The following EFCAB3 variants were observed in gnomAD, a reference collection of about 807,000 sequenced individuals.
EFCAB3 encodes the protein EF-hand calcium-binding domain-containing protein 3.
In EFCAB3, 36 loss-of-function variants were observed where a neutral mutation model predicts 42.2. That is an observed-to-expected ratio of 0.85 (90% CI 0.65 to 1.13). The LOEUF is 1.13. Ranked by LOEUF, EFCAB3 falls within the 50% of genes most tolerant of loss-of-function variation. The pLI is 0.00. For missense variants in EFCAB3, 418 were observed against 505.1 expected (o/e 0.83, Z 1.65); for synonymous variants, 170 against 172.8 (o/e 0.98, Z 0.13).
upstream of EFCAB3, chr17:62,377,946 G>T (rs1408637333): frequency 6.5e-7 from 1 of 1,536,532 alleles, no homozygotes; most frequent in Non-Finnish European, 8.8e-7. Context: ...ATGTAATTTT[G>T]ATTCTTAATC....
At position 62,406,533 on chromosome 17, in the gene EFCAB3, A is replaced by G. The variant is rs116802881; in HGVS notation, c.542A>G (p.Tyr181Cys). 7.1e-5 allele frequency: 114 copies of G among 1,613,978 alleles called. No individual in the cohort carries two copies. In the African/African-American group the frequency reaches 1.4e-3, roughly 20 times the overall value. Residue 181 changes from tyrosine to cysteine, a missense_variant, in exon 7 of 10, where the codon TAC (tyrosine) becomes TGC (cysteine). Tyr to Cys is a radical substitution (Grantham distance 194). Coordinates refer to ENST00000305286, the MANE Select transcript of EFCAB3 (RefSeq NM_173503.4). ...GGCCCAGGAATGTTGTGGAGTCCCT[A>G]CACTATGGGCTATGGAAAAAGGACA... ...HTGPGMLWSP[Y>C]TMGYGKRTLK... is the part of the protein sequence containing the mutation.
intron 2 of EFCAB3, among the ~76,000 whole-genome samples, chr17:62,387,004 C>T (rs1178015621): frequency 6.6e-6 from 1 of 152,068 alleles, no homozygotes; most frequent in African/African-American, 2.4e-5. Flanking sequence ...GTTGCCCAAG[C>T]TGGTCTTGAA....
At position 62,416,412 on chromosome 17, in the gene EFCAB3, A is replaced by G. The variant is rs2144123628; in HGVS notation, c.*83A>G. The G allele has an allele frequency of 8.4e-7, 1 of 1,183,620 alleles. No homozygotes were observed. Among genetic ancestry groups the G allele is most frequent in the East Asian group, 2.4e-5 (1 of 41,310 alleles). The allele number at this position is 1,183,620 out of a possible 1,614,324, so 73.3% of individuals were successfully genotyped here. On this transcript the variant is annotated 3_prime_UTR_variant, in exon 10 of 10. Coordinates refer to ENST00000305286, the MANE Select transcript of EFCAB3 (RefSeq NM_173503.4). ...TATTGTTTCTTGCTTTTGTCTAAGTACATTCTTAGAAGCTGGAAATTTTGA... is the reference window on the plus strand; with the variant it reads ...TATTGTTTCTTGCTTTTGTCTAAGTGCATTCTTAGAAGCTGGAAATTTTGA...
intron 6 of EFCAB3, among the ~76,000 whole-genome samples, chr17:62,400,987 G>C: frequency 6.6e-6 from 1 of 152,252 alleles, no homozygotes; most frequent in South Asian, 2.1e-4. Context: ...ATTCTAACTG[G>C]TGTGAGATGG....
chr17:62,395,825 A>G (rs2070343995), intron 6 of EFCAB3, among the ~76,000 whole-genome samples: 3 of 152,274 alleles, frequency 2.0e-5, no homozygotes, highest in Admixed American at 6.5e-5. Flanking sequence ...AAATGTTGCT[A>G]TTATCAGTCT....
chr17:62,373,388 G>A (rs2070127837), intron 1 of EFCAB3, among the ~76,000 whole-genome samples: 1 of 152,020 alleles, frequency 6.6e-6, no homozygotes, highest in East Asian at 1.9e-4. Flanking sequence ...CAAGGCGTGA[G>A]GATCACTTGA....
chr17:62,392,873 G>A (rs2070316547), intron 4 of EFCAB3, among the ~76,000 whole-genome samples: 1 of 152,068 alleles, frequency 6.6e-6, no homozygotes, highest in South Asian at 2.1e-4. Flanking sequence ...TCCTGACTTC[G>A]TGATCCGCCC....
At chr17:62,396,911 A>G (rs533986588) in intron 6 of EFCAB3, among the ~76,000 whole-genome samples, 2 of 152,258 alleles carry the variant, frequency 1.3e-5, no homozygotes, top group South Asian at 4.1e-4. Flanking sequence ...ATTTTTTTAA[A>G]AAGAATATAC....
chr17:62,400,020 C>A (rs1341994154), intron 6 of EFCAB3, among the ~76,000 whole-genome samples: 1 of 151,998 alleles, frequency 6.6e-6, no homozygotes, highest in East Asian at 1.9e-4. Context: ...ATCCCCAAAT[C>A]AAACCTGTGA....
At chr17:62,392,993 T>C (rs917472554) in intron 4 of EFCAB3, among the ~76,000 whole-genome samples, 4 of 152,188 alleles carry the variant, frequency 2.6e-5, no homozygotes, top group African/African-American at 9.7e-5. Flanking sequence ...CAAACTGATA[T>C]GCTGTGTGAA....
chr17:62,379,185 G>A (rs1215841287), upstream of EFCAB3, among the ~76,000 whole-genome samples: 1 of 152,052 alleles, frequency 6.6e-6, no homozygotes, highest in Non-Finnish European at 1.5e-5. Flanking sequence ...CACTTTGGGA[G>A]GCCAAGGAGA....
In EFCAB3 at chr17:62,393,617, G is replaced by C. The variant is rs2070323175; in HGVS notation, c.340G>C (p.Asp114His). The change falls in exon 5 of 10, where the codon GAT (aspartate) becomes CAT (histidine). Residue 114 changes from aspartate (D) to histidine (H), a missense_variant. Physicochemically the swap from Asp to His is moderately conservative, Grantham distance 81 (BLOSUM62 -1). Transcript: ENST00000305286. The stretch of plus-strand genomic sequence containing the variant: ...CTCAGACTTTATCAAGGTTCTAACA[G>C]ATAAGAATCTCTTCCTCAAGGCAGT... ...NFSDFIKVLT[D>H]KNLFLKAVVP... 1 of 1,614,082 alleles carries C rather than the reference G, an allele frequency of 6.2e-7. No individual in the cohort carries two copies. The highest frequency in any genetic ancestry group is 8.5e-7 in the Non-Finnish European group (1 of 1,179,974).
chr17:62,373,642 T>C (rs1031366560), intron 1 of EFCAB3, among the ~76,000 whole-genome samples: 3 of 152,150 alleles, frequency 2.0e-5, no homozygotes, highest in Non-Finnish European at 2.9e-5. Context: ...TCTTTTTTTT[T>C]CCATCATATT....
chr17:62,397,576 G>A, intron 6 of EFCAB3: 1 of 599,894 alleles, frequency 1.7e-6, no homozygotes, highest in South Asian at 1.4e-5. Context: ...AAAAAATAGG[G>A]GTTGAAACCA....
chr17:62,388,780 G>A (rs895441536), intron 3 of EFCAB3, among the ~76,000 whole-genome samples: 2 of 152,188 alleles, frequency 1.3e-5, no homozygotes, highest in Middle Eastern at 3.4e-3. Context: ...TGGGAATTTC[G>A]GTTTGGAAAA....
intron 9 of EFCAB3, among the ~76,000 whole-genome samples, chr17:62,414,915 C>T (rs895199266): frequency 6.6e-6 from 1 of 151,908 alleles, no homozygotes; most frequent in African/African-American, 2.4e-5. Flanking sequence ...ACCAGCCTGG[C>T]CAACATGGTG....
intron 5 of EFCAB3, 64 bp downstream of exon 5, chr17:62,393,708 C>T (rs1436761351): frequency 7.2e-7 from 1 of 1,396,022 alleles, no homozygotes; most frequent in Non-Finnish European, 1.0e-6. Context: ...CAGCAAACAT[C>T]ATTCACAGGC....
Position 62,383,034 on chromosome 17 carries a change from C to T in EFCAB3, c.55C>T (p.Pro19Ser), listed in dbSNP as rs754277622. Residue 19 changes from proline (P) to serine (S), a missense_variant, in exon 2 of 10, where the codon CCC (proline) becomes TCC (serine). By Grantham distance (74) the Pro-to-Ser change is moderately conservative (BLOSUM62 -1). Coordinates refer to ENST00000305286, the MANE Select transcript of EFCAB3 (RefSeq NM_173503.4). ...KLKLNPLTKV[P>S]ISHNKRDRDL... ...TAAGCTGAATCCTCTAACAAAAGTACCCATCTCCCACAATAAAAGGTAGGT... is the reference window on the plus strand; with the variant it reads ...TAAGCTGAATCCTCTAACAAAAGTATCCATCTCCCACAATAAAAGGTAGGT... 6.2e-7 allele frequency: 1 copy of T among 1,613,000 alleles called. No individual in the cohort carries two copies. Among genetic ancestry groups the T allele is most frequent in the African/African-American group, 1.3e-5 (1 of 74,936 alleles).
chr17:62,371,702 A>G (rs2070115815), intron 1 of EFCAB3, among the ~76,000 whole-genome samples: 1 of 152,244 alleles, frequency 6.6e-6, no homozygotes, highest in African/African-American at 2.4e-5. Flanking sequence ...CTAGAAAATA[A>G]AATGAGTATT....
Sources: gnomAD v4.1 joint callset for allele counts (sites outside exome capture counted in the v4.1 genomes callset) on GRCh38, gnomAD v4.1.1 for gene constraint, MANE v1.5 for transcripts, NCBI Gene and HGNC (gene_info 2026-07-23, HGNC 2026-07-21) for gene names.